The following SLC9A1 variants were observed in gnomAD, a reference collection of about 807,000 sequenced individuals.
The protein encoded by SLC9A1 is solute carrier family 9 member A1.
A neutral mutation model predicts 67.9 loss-of-function variants in SLC9A1; 22 were observed. The ratio of observed to expected loss-of-function variants is 0.32; its 90% CI spans 0.23 to 0.46. The LOEUF (loss-of-function observed/expected upper bound fraction) is 0.46. Ranked by LOEUF, SLC9A1 falls within the 20% of genes least tolerant of loss-of-function variation. The pLI is 1.00. For missense variants in SLC9A1, 686 were observed against 1,094.8 expected (o/e 0.63, Z 5.27); for synonymous variants, 421 against 471.8 (o/e 0.89, Z 1.40).
In SLC9A1 at chr1:27,119,287, C is replaced by T. The variant is rs559329063; in HGVS notation, c.353-5001G>A. 9.9e-5 allele frequency among the ~76,000 whole-genome samples: 15 copies of T among 152,258 alleles called. No homozygotes were observed. In the East Asian group the frequency reaches 2.5e-3, roughly 25 times the overall value. ...ACCAGACATGCCTGATCCCCCTTCC[C>T]GCAACCCTCCTCTGGCCTGGGAAGT... On this transcript the variant is annotated intron_variant, in intron 1 of 11. Transcript: ENST00000263980.
rs956287876 is a variant in SLC9A1, at chr1:27,101,366, G to A, written c.2038-91C>T. ...CCGGCCAGTGCACACCCCACCTTTC[G>A]TATATGCAGGGCGCTTGCTCCCCCT... is the stretch of plus-strand genomic sequence containing the variant. On this transcript the variant is annotated intron_variant, in intron 10 of 11. Transcript: ENST00000263980. The surrounding 1 kb of genome is among the most constrained non-coding windows in gnomAD (Gnocchi z 4.9). 2.8e-5 allele frequency: 27 copies of A among 980,514 alleles called. No homozygotes were observed. In the East Asian group the frequency reaches 4.7e-4, roughly 17 times the overall value. The allele number at this position is 980,514 out of a possible 1,614,324, so 60.7% of individuals were successfully genotyped here. A position where few individuals can be genotyped will look rare whatever the true frequency, so the allele number is the denominator to read the frequency against.
intron 1 of SLC9A1, among the ~76,000 whole-genome samples, chr1:27,149,665 C>T (rs1163466579): frequency 6.6e-6 from 1 of 152,204 alleles, no homozygotes; most frequent in Non-Finnish European, 1.5e-5. Flanking sequence ...CTCTACCAGG[C>T]ATTCCCACGT....
At position 27,114,071 on chromosome 1, in the gene SLC9A1, G is replaced by A; in HGVS notation, c.568C>T (p.Leu190=). The A allele has an allele frequency of 1.2e-6, 2 of 1,614,158 alleles. No homozygotes were observed. Among genetic ancestry groups the A allele is most frequent in the Non-Finnish European group, 1.7e-6 (2 of 1,180,030 alleles). ...AGCGTGCCCACCACGGCAAAGATCA[G>A]GATGGTGCCCAGGTTTTCTGTGAAC... ...RQFTENLGTI[L]IFAVVGTLWN... The change falls in exon 2 of 12, where the codon CTG becomes TTG. Residue 190 remains leucine, a synonymous_variant. Coordinates refer to ENST00000263980, the MANE Select transcript of SLC9A1 (RefSeq NM_003047.5). The surrounding 1 kb of genome is among the most constrained non-coding windows in gnomAD (Gnocchi z 5.4).
In SLC9A1 at chr1:27,109,700, G is replaced by A; in HGVS notation, c.891C>T (p.Ser297=). ...GIVDIFLGFL[S]FFVVALGGVL... ...CCCCGCCCAGGGCCACCACGAAGAAGCTCAGGAAGCCGAGGAAGATGTCCA... is the reference window on the plus strand; with the variant it reads ...CCCCGCCCAGGGCCACCACGAAGAAACTCAGGAAGCCGAGGAAGATGTCCA... The change falls in exon 3 of 12, where the codon AGC becomes AGT. Residue 297 remains serine, a synonymous_variant. Coordinates refer to ENST00000263980, the MANE Select transcript of SLC9A1 (RefSeq NM_003047.5). This position sits in a 1 kb window ranked among gnomAD's most constrained non-coding sequence, Gnocchi z 5.5. 1 of 1,614,082 alleles carries A rather than the reference G, an allele frequency of 6.2e-7. No homozygotes were observed. Among genetic ancestry groups the A allele is most frequent in the Non-Finnish European group, 8.5e-7 (1 of 1,180,030 alleles).
chr1:27,149,941 A>G (rs1312496640), intron 1 of SLC9A1, among the ~76,000 whole-genome samples: 1 of 152,218 alleles, frequency 6.6e-6, no homozygotes, highest in Non-Finnish European at 1.5e-5. Flanking sequence ...TGGCACTCCT[A>G]GAGACACATG....
At position 27,133,932 on chromosome 1, in the gene SLC9A1, T is replaced by C. The variant is rs1486174130; in HGVS notation, c.353-19646A>G. On this transcript the variant is annotated intron_variant, in intron 1 of 11. Transcript: ENST00000263980. Reference sequence around the variant, plus strand: ...GGTGCCTGCCACCACACCCTGCTAATTTTTGTATTTTTAGTAGAGACGGAG... The same window carrying C: ...GGTGCCTGCCACCACACCCTGCTAACTTTTGTATTTTTAGTAGAGACGGAG... 4.6e-5 allele frequency among the ~76,000 whole-genome samples: 7 copies of C among 152,000 alleles called. No homozygotes were observed. In the South Asian group the frequency reaches 1.5e-3, roughly 32 times the overall value.
rs1276336985 is a variant in SLC9A1, at chr1:27,100,273, G to A, written c.*34C>T. 1 of 1,466,134 alleles carries A rather than the reference G, an allele frequency of 6.8e-7. No individual in the cohort carries two copies. Among genetic ancestry groups the A allele is most frequent in the Non-Finnish European group, 9.1e-7 (1 of 1,093,180 alleles). The allele number at this position is 1,466,134 out of a possible 1,614,324, so 90.8% of individuals were successfully genotyped here. The stretch of plus-strand genomic sequence containing the variant: ...AGCCCCTGCTCTGGTGGAAGAGTCT[G>A]TGAGGGGACAGGCGCTGCCTGCTGG... On this transcript the variant is annotated 3_prime_UTR_variant, in exon 12 of 12. Transcript: ENST00000263980. This position sits in a 1 kb window ranked among gnomAD's most constrained non-coding sequence, Gnocchi z 5.6.
intron 1 of SLC9A1, among the ~76,000 whole-genome samples, chr1:27,131,621 G>C (rs1001340404): frequency 2.0e-5 from 3 of 151,288 alleles, no homozygotes; most frequent in Admixed American, 1.3e-4. Context: ...GGTGGCGCGC[G>C]CCTGTAGTCC....
Position 27,114,208 on chromosome 1 carries a change from C to G in SLC9A1, c.431G>C (p.Gly144Ala), listed in dbSNP as rs749729145. Reference protein sequence around the residue: ...LLIVVGLLVGGLIKGVGETPP... With the variant: ...LLIVVGLLVGALIKGVGETPP... ...TGTCTCGCCTACACCCTTGATCAGG[C>G]CCCCCACCAGCAGCCCCACCACGAT... Residue 144 changes from glycine to alanine, a missense_variant, in exon 2 of 12, where the codon GGC becomes GCC. Gly to Ala is a moderately conservative substitution (Grantham distance 60). Transcript: ENST00000263980. The surrounding 1 kb of genome is among the most constrained non-coding windows in gnomAD (Gnocchi z 5.4). 2 of 1,614,032 alleles carry G rather than the reference C, an allele frequency of 1.2e-6. No individual in the cohort carries two copies. The highest frequency in any genetic ancestry group is 1.7e-5 in the Admixed American group (1 of 60,016).
chr1:27,113,802 G>C (rs781252560), intron 2 of SLC9A1, 24 bp downstream of exon 2: 6 of 1,575,572 alleles, frequency 3.8e-6, no homozygotes, highest in Non-Finnish European at 5.2e-6. Context: ...GTTTGGACAT[G>C]GGCATGGCCC....
At position 27,102,098 on chromosome 1, in the gene SLC9A1, C is replaced by T. The variant is rs554952402; in HGVS notation, c.1853G>A (p.Arg618His). The change falls in exon 9 of 12, where the codon CGC becomes CAC. Residue 618 changes from arginine (R) to histidine (H), a missense_variant. Physicochemically the swap from Arg to His is conservative, Grantham distance 29 (BLOSUM62 0). Transcript: ENST00000263980. The part of the protein sequence containing the change: ...NIHPKSLPSE[R>H]ILPALSKDKE... Reference sequence around the variant, plus strand: ...GTCCTTGGACAGTGCTGGCAGGATGCGCTCGGAAGGCAGGGACTTGGGGTG... The same window carrying T: ...GTCCTTGGACAGTGCTGGCAGGATGTGCTCGGAAGGCAGGGACTTGGGGTG... 8.7e-6 allele frequency: 14 copies of T among 1,613,972 alleles called. No homozygotes were observed. Among genetic ancestry groups the T allele is most frequent in the Admixed American group, 3.3e-5 (2 of 60,022 alleles).
At chr1:27,141,531 C>G (rs2083452991) in intron 1 of SLC9A1, among the ~76,000 whole-genome samples, 1 of 152,234 alleles carries the variant, frequency 6.6e-6, no homozygotes. Flanking sequence ...GTACGAAATT[C>G]TCTCTCCCAC....
rs150895940 is a variant in SLC9A1, at chr1:27,123,947, G to A, written c.353-9661C>T. Among the ~76,000 whole-genome samples the A allele has an allele frequency of 2.4e-4, 36 of 152,000 alleles. No individual in the cohort carries two copies. In the East Asian group the frequency reaches 3.7e-3, roughly 16 times the overall value. On this transcript the variant is annotated intron_variant, in intron 1 of 11. Coordinates refer to ENST00000263980, the MANE Select transcript of SLC9A1 (RefSeq NM_003047.5). ...GTTCAAGCGATTCTCCTGCCTCAGC[G>A]TCCTGAGTAGCTGGGATTACAGGTG...
At chr1:27,148,955 C>G (rs970344541) in intron 1 of SLC9A1, among the ~76,000 whole-genome samples, 3 of 152,212 alleles carry the variant, frequency 2.0e-5, no homozygotes, top group African/African-American at 7.2e-5. Flanking sequence ...AAGCTCTGGT[C>G]TGATGGCTGA....
chr1:27,131,947 A>AAAAAAATATATAT, intron 1 of SLC9A1, among the ~76,000 whole-genome samples: 60 of 52,096 alleles, frequency 1.2e-3, no homozygotes, highest in African/African-American at 3.6e-3. Context: ...AGAAAAAAAA[A>AAAAAAATATATAT]ATATATATAT....
In SLC9A1 at chr1:27,102,537, T is replaced by C; in HGVS notation, c.1668A>G (p.Lys556=). 6.2e-7 allele frequency: 1 copy of C among 1,607,946 alleles called. No homozygotes were observed. The highest frequency in any genetic ancestry group is 8.5e-7 in the Non-Finnish European group (1 of 1,175,160). Residue 556 remains lysine (K), a synonymous_variant, in exon 8 of 12, where the codon AAA becomes AAG. Transcript: ENST00000263980. ...CAGCTATCAGACACTTCTTCACATA[T>C]TTCTTATTAAACCGGTTGAGCCTGG... ...WKDKLNRFNK[K]YVKKCLIAGE... is the part of the protein sequence containing the mutation.
intron 1 of SLC9A1, among the ~76,000 whole-genome samples, chr1:27,133,661 A>G (rs566888874): frequency 1.3e-5 from 2 of 152,234 alleles, no homozygotes; most frequent in South Asian, 4.1e-4. Context: ...GCCCCATCCA[A>G]ATGGCCACTC....
At position 27,137,286 on chromosome 1, in the gene SLC9A1, A is replaced by G. The variant is rs1183277981; in HGVS notation, c.352+16697T>C. On this transcript the variant is annotated intron_variant, in intron 1 of 11. Coordinates refer to ENST00000263980, the MANE Select transcript of SLC9A1 (RefSeq NM_003047.5). This position sits in a 1 kb window ranked among gnomAD's most constrained non-coding sequence, Gnocchi z 4.6. ...AACGATGTGGGAAGAAGGACCACTT[A>G]TAGCATCACAGGAGAGCCTGGACTA... 6.6e-6 allele frequency among the ~76,000 whole-genome samples: 1 copy of G among 152,246 alleles called. No homozygotes were observed. The highest frequency in any genetic ancestry group is 2.4e-5 in the African/African-American group (1 of 41,472).
intron 1 of SLC9A1, among the ~76,000 whole-genome samples, chr1:27,152,232 T>A (rs1302887330): frequency 6.6e-6 from 1 of 152,208 alleles, no homozygotes; most frequent in African/African-American, 2.4e-5. Flanking sequence ...ATACCAGGCC[T>A]GCAGGGACAA....
Sources: allele counts gnomAD v4.1 joint callset (sites outside exome capture counted in the v4.1 genomes callset), GRCh38; gene constraint gnomAD v4.1.1; non-coding constraint Gnocchi (gnomAD v3.1); transcripts MANE v1.5; gene names NCBI Gene and HGNC (gene_info 2026-07-23, HGNC 2026-07-21).